Variants in PCDHA11 observed in about 807,000 individuals in gnomAD.
The protein encoded by PCDHA11 is protocadherin alpha 11.
Under a neutral mutation model 70.3 loss-of-function variants are expected in PCDHA11, and 61 were observed. The ratio of observed to expected loss-of-function variants is 0.87; its 90% confidence interval spans 0.71 to 1.07. The LOEUF is 1.07. Among genes scored for constraint, PCDHA11 ranks in the 50% least tolerant of loss-of-function variants. PCDHA11 has a pLI of 0.00. For synonymous variants in PCDHA11, 633 were observed against 555.1 expected (o/e 1.14, Z -1.97); for missense variants, 1,324 against 1,237.5 (o/e 1.07, Z -1.05).
intron 1 of PCDHA11, chr5:140,877,904 A>G (rs1421896402): frequency 7.0e-7 from 1 of 1,436,098 alleles, no homozygotes; most frequent in East Asian, 2.5e-5. Context: ...GGTTATAACT[A>G]CATTCTCTCA....
rs1340886726 is a variant in PCDHA11, at chr5:140,874,290, G to A, written c.2391+2796G>A. Among the ~76,000 whole-genome samples, 3 of 152,146 alleles carry A rather than the reference G, an allele frequency of 2.0e-5. No homozygotes were observed. The East Asian group carries it at 5.8e-4, about 29-fold the overall frequency. On this transcript the variant is annotated intron_variant, in intron 1 of 3. Transcript: ENST00000398640. ...GTATTAATAGACTTACAAAATCTAT[G>A]TGTACTTGTTCACAATGAGTTGTAG...
At chr5:140,968,808 T>C in intron 1 of PCDHA11, 1 of 1,614,204 alleles carries the variant, frequency 6.2e-7, no homozygotes, top group South Asian at 1.1e-5. Context: ...GTAGCTGTGG[T>C]GGATAGGGTT....
chr5:140,967,006 C>G, intron 1 of PCDHA11: 1 of 1,605,750 alleles, frequency 6.2e-7, no homozygotes, highest in Non-Finnish European at 8.5e-7. Flanking sequence ...TGCGCATCAA[C>G]CATCTGGGTG....
At chr5:140,952,158 G>A (rs2094696814) in intron 1 of PCDHA11, among the ~76,000 whole-genome samples, 1 of 151,946 alleles carries the variant, frequency 6.6e-6, no homozygotes, top group Non-Finnish European at 1.5e-5. Flanking sequence ...GTGGCTTTGT[G>A]GGGTTCAGTT....
At chr5:140,941,191 T>TCTTTC (rs1554213808) in intron 1 of PCDHA11, among the ~76,000 whole-genome samples, 2 of 93,206 alleles carry the variant, frequency 2.1e-5, no homozygotes, top group South Asian at 5.6e-4. Flanking sequence ...GCTTCTTTTT[T>TCTTTC]TTTCTTTCTT....
rs374225281 is a variant in PCDHA11, at chr5:140,870,414, G to A, written c.1311G>A (p.Thr437=). The A allele has an allele frequency of 4.0e-5, 64 of 1,614,112 alleles. No individual in the cohort carries two copies. The highest frequency in any genetic ancestry group is 5.0e-5 in the Non-Finnish European group (59 of 1,180,054). The change falls in exon 1 of 4, where the codon ACG becomes ACA. Residue 437 remains threonine (T), a synonymous_variant. Coordinates refer to ENST00000398640, the MANE Select transcript of PCDHA11 (RefSeq NM_018902.5). ...GGGGTTCGCCTTCTCTGTGGGCCACGGCCAGGGTATCCGTGGAGGTGGCCG... is the reference window on the plus strand; with the variant it reads ...GGGGTTCGCCTTCTCTGTGGGCCACAGCCAGGGTATCCGTGGAGGTGGCCG... ...RDGGSPSLWA[T]ARVSVEVADV...
intron 1 of PCDHA11, among the ~76,000 whole-genome samples, chr5:140,912,129 A>C (rs2075781767): frequency 6.6e-6 from 1 of 152,156 alleles, no homozygotes; most frequent in Admixed American, 6.6e-5. Flanking sequence ...AGTCAGTCTA[A>C]TCTCTCCATG....
chr5:140,941,202 C>CTTTCTTTCTTTCTCT (rs1554213921), intron 1 of PCDHA11, among the ~76,000 whole-genome samples: 1 of 122,742 alleles, frequency 8.1e-6, no homozygotes, highest in African/African-American at 3.0e-5. Context: ...TTTCTTTCTT[C>CTTTCTTTCTTTCTCT]CTTTCTTTCT....
chr5:140,965,206 T>A (rs2095879920), intron 1 of PCDHA11, among the ~76,000 whole-genome samples: 1 of 152,238 alleles, frequency 6.6e-6, no homozygotes. Flanking sequence ...AGATTTCAAA[T>A]TCCTGTGGAA....
intron 1 of PCDHA11, chr5:140,876,188 G>T: frequency 6.2e-7 from 1 of 1,613,944 alleles, no homozygotes; most frequent in South Asian, 1.1e-5. Flanking sequence ...AATGACAATG[G>T]TCCGGCGTTT....
At chr5:140,989,296 G>A (rs1587341853) in intron 3 of PCDHA11, among the ~76,000 whole-genome samples, 1 of 152,128 alleles carries the variant, frequency 6.6e-6, no homozygotes, top group South Asian at 2.1e-4. Context: ...TGTCACAAAG[G>A]GCCAAGGAAG....
chr5:140,893,866 C>T (rs915926825), intron 1 of PCDHA11, among the ~76,000 whole-genome samples: 5 of 152,102 alleles, frequency 3.3e-5, no homozygotes, highest in African/African-American at 1.2e-4. Context: ...TAGAAACAAC[C>T]CAGATCCAAA....
At chr5:140,976,250 A>C (rs1420287471) in intron 1 of PCDHA11, among the ~76,000 whole-genome samples, 1 of 152,144 alleles carries the variant, frequency 6.6e-6, no homozygotes, top group Non-Finnish European at 1.5e-5. Flanking sequence ...ATGTAAATTT[A>C]TTTAAAACAC....
Position 140,869,610 on chromosome 5 carries a change from C to T in PCDHA11, c.507C>T (p.Thr169=), listed in dbSNP as rs782688712. 1 of 1,613,928 alleles carries T rather than the reference C, an allele frequency of 6.2e-7. No individual in the cohort carries two copies. Among genetic ancestry groups the T allele is most frequent in the South Asian group, 1.1e-5 (1 of 91,086 alleles). ...ACATTGAAGAGAATGCTCTATTGACCTACAGGCTAAGTAAAAATGAGTATT... is the reference window on the plus strand; with the variant it reads ...ACATTGAAGAGAATGCTCTATTGACTTACAGGCTAAGTAAAAATGAGTATT... ...DADIEENALL[T]YRLSKNEYFS... The change falls in exon 1 of 4, where the codon ACC becomes ACT. Residue 169 remains threonine, a synonymous_variant. Coordinates refer to ENST00000398640, the MANE Select transcript of PCDHA11 (RefSeq NM_018902.5).
intron 1 of PCDHA11, chr5:140,968,527 G>T: frequency 3.1e-6 from 5 of 1,614,142 alleles, no homozygotes; most frequent in Non-Finnish European, 4.2e-6. Flanking sequence ...CAACCAACTC[G>T]TCAGCAGCCT....
intron 3 of PCDHA11, among the ~76,000 whole-genome samples, chr5:140,995,889 A>G (rs1007675217): frequency 1.3e-5 from 2 of 152,202 alleles, no homozygotes; most frequent in African/African-American, 4.8e-5. Context: ...CTTCAGATTT[A>G]TCAATGTATA....
At chr5:140,936,849 G>A (rs927747848) in intron 1 of PCDHA11, among the ~76,000 whole-genome samples, 1 of 152,006 alleles carries the variant, frequency 6.6e-6, no homozygotes, top group Non-Finnish European at 1.5e-5. Context: ...TGTAGATTCA[G>A]CTTCTCAGTT....
intron 1 of PCDHA11, among the ~76,000 whole-genome samples, chr5:140,949,801 C>T (rs964520875): frequency 6.6e-5 from 10 of 151,836 alleles, no homozygotes; most frequent in African/African-American, 2.4e-4. Context: ...TCCTTCAATA[C>T]ATTATTTGCT....
Position 140,979,012 on chromosome 5 carries a change from G to A in PCDHA11, c.2450+5G>A, listed in dbSNP as rs2096831231. The A allele has an allele frequency of 1.9e-6, 3 of 1,613,794 alleles. No individual in the cohort carries two copies. Among genetic ancestry groups the A allele is most frequent in the African/African-American group, 2.7e-5 (2 of 74,926 alleles). ...CCTGAGAGCAGGCATGCACAGGTAT[G>A]TATTTCCCTCCTCATTCACTCAGAA... On this transcript the variant is annotated splice_donor_5th_base_variant and intron_variant, in intron 2 of 3. Coordinates refer to ENST00000398640, the MANE Select transcript of PCDHA11 (RefSeq NM_018902.5).
Sources: gnomAD v4.1 joint callset for allele counts (sites outside exome capture counted in the v4.1 genomes callset) on GRCh38, gnomAD v4.1.1 for gene constraint, MANE v1.5 for transcripts, NCBI Gene and HGNC (gene_info 2026-07-23, HGNC 2026-07-21) for gene names.